KIF26B: variants seen among roughly 807,000 people sequenced by gnomAD.
The protein encoded by KIF26B is kinesin-like protein KIF26B.
KIF26B carries 63 observed loss-of-function variants against 151.2 expected under a neutral mutation model. That is an observed-to-expected ratio of 0.42 (90% confidence interval 0.34 to 0.51). KIF26B has a LOEUF of 0.51. KIF26B is among the 20% of genes least tolerant of loss of function. The pLI is 0.07. For missense variants in KIF26B, 2,813 were observed against 2,913.6 expected (o/e 0.97, Z 0.79); for synonymous variants, 1,357 against 1,262.1 (o/e 1.08, Z -1.59).
intron 10 of KIF26B, among the ~76,000 whole-genome samples, chr1:245,653,300 G>T (rs2044039411): frequency 6.6e-6 from 1 of 152,184 alleles, no homozygotes; most frequent in African/African-American, 2.4e-5. Context: ...AGGGGTAGAA[G>T]TTCCTAATTC....
chr1:245,671,735 A>C (rs961013389), intron 10 of KIF26B, among the ~76,000 whole-genome samples: 2 of 152,222 alleles, frequency 1.3e-5, no homozygotes, highest in Non-Finnish European at 2.9e-5. Context: ...GTTTTTCTGA[A>C]TGACAAGGAT....
At chr1:245,543,256 T>C (rs1369454088) in intron 5 of KIF26B, among the ~76,000 whole-genome samples, 1 of 152,104 alleles carries the variant, frequency 6.6e-6, no homozygotes, top group Non-Finnish European at 1.5e-5. Flanking sequence ...GACCCAGCAC[T>C]GACACAAAAA....
intron 4 of KIF26B, among the ~76,000 whole-genome samples, chr1:245,522,060 G>T (rs185175941): frequency 6.6e-6 from 1 of 151,952 alleles, no homozygotes; most frequent in African/African-American, 2.4e-5. Context: ...TAGTAGAGAC[G>T]GGGTTTCACC....
chr1:245,665,262 C>G (rs1200810553), intron 10 of KIF26B, among the ~76,000 whole-genome samples: 1 of 152,154 alleles, frequency 6.6e-6, no homozygotes, highest in Non-Finnish European at 1.5e-5. Flanking sequence ...TGGTTGAACA[C>G]TTGATTATGG....
At chr1:245,440,199 C>T (rs552619408) in intron 4 of KIF26B, among the ~76,000 whole-genome samples, 4 of 150,572 alleles carry the variant, frequency 2.7e-5, no homozygotes, top group South Asian at 2.1e-4. Context: ...CCAGCCTGGG[C>T]GACAGAGCCA....
intron 3 of KIF26B, among the ~76,000 whole-genome samples, chr1:245,395,456 G>A (rs1004524332): frequency 4.6e-5 from 7 of 152,178 alleles, no homozygotes; most frequent in African/African-American, 9.7e-5. Flanking sequence ...TTTCCTGTTC[G>A]CTGCAGAGCA....
At chr1:245,207,677 G>A (rs1398474410) in intron 2 of KIF26B, among the ~76,000 whole-genome samples, 1 of 152,182 alleles carries the variant, frequency 6.6e-6, no homozygotes, top group Non-Finnish European at 1.5e-5. Context: ...GAAACCATGG[G>A]ATGGTCTACA....
chr1:245,530,226 G>A (rs1212377066), intron 4 of KIF26B, among the ~76,000 whole-genome samples: 1 of 152,226 alleles, frequency 6.6e-6, no homozygotes, highest in Admixed American at 6.5e-5. Context: ...CTCATACACT[G>A]TGGATGGGAA....
At chr1:245,605,449 C>A (rs1197318066) in intron 6 of KIF26B, among the ~76,000 whole-genome samples, 1 of 152,186 alleles carries the variant, frequency 6.6e-6, no homozygotes, top group Non-Finnish European at 1.5e-5. Context: ...ATTGTGCTTT[C>A]TCTTCGTTTC....
In KIF26B at chr1:245,318,310, C is replaced by T. The variant is rs1671819161; in HGVS notation, c.466-48524C>T. ...TAAAGGCAATACAAGGAATGACTGGCAAATACAGGTGTGAATTCCACTTAC... is the reference window on the plus strand; with the variant it reads ...TAAAGGCAATACAAGGAATGACTGGTAAATACAGGTGTGAATTCCACTTAC... On this transcript the variant is annotated intron_variant, in intron 2 of 14. Coordinates refer to ENST00000407071, the MANE Select transcript of KIF26B (RefSeq NM_018012.4). This position sits in a 1 kb window ranked among gnomAD's most constrained non-coding sequence, Gnocchi z 4.0. 6.6e-6 allele frequency among the ~76,000 whole-genome samples: 1 copy of T among 152,096 alleles called. No individual in the cohort carries two copies. Among genetic ancestry groups the T allele is most frequent in the South Asian group, 2.1e-4 (1 of 4,818 alleles).
At chr1:245,610,406 A>AC (rs772098261) in intron 8 of KIF26B, among the ~76,000 whole-genome samples, 51 of 152,042 alleles carry the variant, frequency 3.4e-4, no homozygotes, top group Non-Finnish European at 5.7e-4. Flanking sequence ...ATCGCTGGGC[A>AC]CCCCCCCAGA....
Position 245,218,366 on chromosome 1 carries a change from G to GGCA in KIF26B, c.465+61684_465+61685insCAG, listed in dbSNP as rs149073087. 2.4e-4 allele frequency among the ~76,000 whole-genome samples: 36 copies of GGCA among 152,178 alleles called. No homozygotes were observed. The highest frequency in any genetic ancestry group is 8.7e-4 in the African/African-American group (36 of 41,468). On this transcript the variant is annotated intron_variant, in intron 2 of 14. Coordinates refer to ENST00000407071, the MANE Select transcript of KIF26B (RefSeq NM_018012.4). This position sits in a 1 kb window ranked among gnomAD's most constrained non-coding sequence, Gnocchi z 4.1. The stretch of plus-strand genomic sequence containing the variant: ...GTCACTCTGAGGGAGGGAAGGGGAA[G>GGCA]GGAGGGCTCAGGTGAAAAGCAGAAG...
chr1:245,635,356 G>A lies in KIF26B; in HGVS notation c.2099-10765G>A, dbSNP rs1320248814. Among the ~76,000 whole-genome samples the A allele has an allele frequency of 2.0e-5, 3 of 151,886 alleles. No homozygotes were observed. The East Asian group carries it at 5.8e-4, about 29-fold the overall frequency. On this transcript the variant is annotated intron_variant, in intron 9 of 14. Transcript: ENST00000407071. ...TTATTATCTATTACCTCTTGAAAGA[G>A]CTTTGGAATTTTTCATCTTTCAAGA...
chr1:245,563,415 T>C lies in KIF26B; in HGVS notation c.1350+22465T>C, dbSNP rs1474557426. Among the ~76,000 whole-genome samples, 1 of 152,240 alleles carries C rather than the reference T, an allele frequency of 6.6e-6. No homozygotes were observed. Among genetic ancestry groups the C allele is most frequent in the African/African-American group, 2.4e-5 (1 of 41,468 alleles). On this transcript the variant is annotated intron_variant, in intron 5 of 14. Transcript: ENST00000407071. The surrounding 1 kb of genome is among the most constrained non-coding windows in gnomAD (Gnocchi z 4.6). ...TCTCAAGGATCACTGGTCTTTCGCA[T>C]ATACCCTCTTGCTCCCGAATCATTA...
intron 2 of KIF26B, among the ~76,000 whole-genome samples, chr1:245,157,229 C>T (rs982030162): frequency 6.6e-6 from 1 of 152,220 alleles, no homozygotes; most frequent in Non-Finnish European, 1.5e-5. Flanking sequence ...GGTGGCTCTT[C>T]GGAGCAGTGC....
intron 2 of KIF26B, among the ~76,000 whole-genome samples, chr1:245,337,312 C>A (rs1023812969): frequency 1.5e-4 from 23 of 151,922 alleles, no homozygotes; most frequent in Admixed American, 4.6e-4. Context: ...GCTGGGATTA[C>A]AGGCACCCCC....
Position 245,599,909 on chromosome 1 carries a change from G to A in KIF26B, c.1351-2668G>A, listed in dbSNP as rs116146226. On this transcript the variant is annotated intron_variant, in intron 5 of 14. Coordinates refer to ENST00000407071, the MANE Select transcript of KIF26B (RefSeq NM_018012.4). Reference sequence around the variant, plus strand: ...TAGCGGCTGTGTGGGATTTGACTGTGTTTTACTAATAGGAGCCTTGTTGGG... The same window carrying A: ...TAGCGGCTGTGTGGGATTTGACTGTATTTTACTAATAGGAGCCTTGTTGGG... 6.9e-3 allele frequency among the ~76,000 whole-genome samples: 1,042 copies of A among 152,114 alleles called. 8 individuals carry two copies. The highest frequency in any genetic ancestry group is 0.023 in the African/African-American group (973 of 41,490).
chr1:245,207,250 CAGA>C (rs1392297439), intron 2 of KIF26B, among the ~76,000 whole-genome samples: 1 of 152,208 alleles, frequency 6.6e-6, no homozygotes, highest in Admixed American at 6.5e-5. Flanking sequence ...TTTACTTCTG[CAGA>C]AGGGTGCTTC....
At chr1:245,233,014 C>T (rs1442380321) in intron 2 of KIF26B, among the ~76,000 whole-genome samples, 1 of 152,220 alleles carries the variant, frequency 6.6e-6, no homozygotes, top group Non-Finnish European at 1.5e-5. Flanking sequence ...AATATATTTG[C>T]TATCCCTGCC....
Sources: allele counts gnomAD v4.1 joint callset (sites outside exome capture counted in the v4.1 genomes callset), GRCh38; gene constraint gnomAD v4.1.1; non-coding constraint Gnocchi (gnomAD v3.1); transcripts MANE v1.5; gene names NCBI Gene and HGNC (gene_info 2026-07-23, HGNC 2026-07-21).